Variants in TCF12 observed in about 807,000 individuals in gnomAD.
The protein encoded by TCF12 is DNA-binding protein HTF4.
Under a neutral mutation model 86.0 loss-of-function variants are expected in TCF12, and 45 were observed. The ratio of observed to expected loss-of-function variants is 0.52; its 90% CI spans 0.41 to 0.67. The LOEUF (loss-of-function observed/expected upper bound fraction) is 0.67. Among genes scored for constraint, TCF12 ranks in the 30% least tolerant of loss-of-function variants. TCF12 has a pLI of 0.00. For missense variants in TCF12, 881 were observed against 859.9 expected, an observed-to-expected ratio of 1.02 and a Z score of -0.31; for synonymous variants, 330 against 299.6, an observed-to-expected ratio of 1.10 and a Z score of -1.05.
chr15:57,176,934 G>T (rs1161069743), intron 6 of TCF12, among the ~76,000 whole-genome samples: 1 of 152,176 alleles, frequency 6.6e-6, no homozygotes, highest in Non-Finnish European at 1.5e-5. Flanking sequence ...CCTTTGGGGA[G>T]TAGATTGGTG....
chr15:57,152,192 A>G (rs1479327810), intron 5 of TCF12, among the ~76,000 whole-genome samples: 2 of 152,248 alleles, frequency 1.3e-5, no homozygotes, highest in African/African-American at 4.8e-5. Flanking sequence ...GGAAAGAGGC[A>G]TACCCACTTC....
rs373731689 is a variant in TCF12 at position 57,119,006 on chromosome 15, G to T, written c.325+27115G>T. ...ATCAACCACTCTCTCAGAATAACTTGTTTGTTTTATCATGTACTGTGATAG... is the reference window on the plus strand; with the variant it reads ...ATCAACCACTCTCTCAGAATAACTTTTTTGTTTTATCATGTACTGTGATAG... On this transcript the variant is annotated intron_variant, in intron 5 of 20. Transcript: ENST00000333725. Among the ~76,000 whole-genome samples the T allele has an allele frequency of 7.1e-4, 108 of 152,144 alleles. 1 individual carries two copies. The South Asian group carries it at 8.7e-3, about 12-fold the overall frequency.
intron 16 of TCF12, among the ~76,000 whole-genome samples, chr15:57,259,355 T>A (rs1483757419): frequency 1.3e-5 from 2 of 152,232 alleles, no homozygotes; most frequent in Non-Finnish European, 2.9e-5. Context: ...TTAATTTAAA[T>A]CATTAGTATT....
At chr15:57,284,008 A>G (rs551877658) in intron 20 of TCF12, among the ~76,000 whole-genome samples, 1 of 152,312 alleles carries the variant, frequency 6.6e-6, no homozygotes, top group East Asian at 1.9e-4. Context: ...CTCCCCCACA[A>G]AAAGTATCCA....
chr15:57,044,051 G>T (rs1207150669), intron 3 of TCF12, among the ~76,000 whole-genome samples: 1 of 151,994 alleles, frequency 6.6e-6, no homozygotes, highest in Non-Finnish European at 1.5e-5. Flanking sequence ...TTTACATTCA[G>T]ATTGGACACT....
intron 8 of TCF12, among the ~76,000 whole-genome samples, chr15:57,204,737 T>C (rs541205108): frequency 5.4e-4 from 81 of 149,900 alleles, no homozygotes; most frequent in Non-Finnish European, 4.7e-4. Context: ...AAATACTAAA[T>C]CCTGAGGGTG....
At chr15:56,987,974 G>GTC (rs2063274858) in intron 3 of TCF12, among the ~76,000 whole-genome samples, 1 of 152,082 alleles carries the variant, frequency 6.6e-6, no homozygotes, top group African/African-American at 2.4e-5. Flanking sequence ...AGTTAAACTG[G>GTC]TCATGTGATA....
At chr15:56,948,246 T>G (rs947402642) in intron 3 of TCF12, among the ~76,000 whole-genome samples, 1 of 152,076 alleles carries the variant, frequency 6.6e-6, no homozygotes, top group East Asian at 1.9e-4. Flanking sequence ...CTCAGCCTCC[T>G]GAGTAGCTAG....
rs2059613956 is a variant in TCF12, at chr15:56,918,789, A to C, written c.-140A>C. Reference sequence around the variant, plus strand: ...GCCGCCTCCCCCTCCCAGACCCGAGAGCTCGTGCGGGGCAAAGTGAACCGA... The same window carrying C: ...GCCGCCTCCCCCTCCCAGACCCGAGCGCTCGTGCGGGGCAAAGTGAACCGA... On this transcript the variant is annotated 5_prime_UTR_variant, in exon 1 of 21. Transcript: ENST00000333725. 1 of 160,492 alleles carries C rather than the reference A, an allele frequency of 6.2e-6. No homozygotes were observed. Among genetic ancestry groups the C allele is most frequent in the African/African-American group, 2.4e-5 (1 of 41,482 alleles). 9.9% of individuals were successfully genotyped at this position (160,492 alleles called of 1,614,324 possible).
At chr15:57,060,305 C>T (rs1223995854) in intron 3 of TCF12, among the ~76,000 whole-genome samples, 1 of 152,114 alleles carries the variant, frequency 6.6e-6, no homozygotes, top group African/African-American at 2.4e-5. Context: ...CTGGAAAATA[C>T]TAAGTTAAAA....
chr15:56,958,674 AGAGAGT>A (rs1462330879), intron 3 of TCF12, among the ~76,000 whole-genome samples: 650 of 64,544 alleles, frequency 0.01, 5 homozygotes, highest in African/African-American at 0.028. Flanking sequence ...AGAGAGAGAG[AGAGAGT>A]GTGTGTGTGT....
At chr15:57,233,083 T>C (rs1226735268) in intron 11 of TCF12, among the ~76,000 whole-genome samples, 2 of 149,160 alleles carry the variant, frequency 1.3e-5, no homozygotes, top group Non-Finnish European at 3.0e-5. Flanking sequence ...GTGTTTTTTA[T>C]ATATGTATAT....
At chr15:57,220,989 T>C (rs1690004616) in intron 8 of TCF12, among the ~76,000 whole-genome samples, 1 of 152,160 alleles carries the variant, frequency 6.6e-6, no homozygotes, top group Non-Finnish European at 1.5e-5. Context: ...TTAGATATGG[T>C]TGTCTCTTCC....
At chr15:57,264,194 G>GTTTTTT (rs1567013145) in intron 18 of TCF12, among the ~76,000 whole-genome samples, 1 of 15,454 alleles carries the variant, frequency 6.5e-5, no homozygotes, top group Admixed American at 8.8e-4. Flanking sequence ...TCTTTTGTAA[G>GTTTTTT]CTTTTTTTTT....
At chr15:57,170,713 A>AT (rs1567558936) in intron 6 of TCF12, among the ~76,000 whole-genome samples, 1 of 26,394 alleles carries the variant, frequency 3.8e-5, no homozygotes, top group Non-Finnish European at 8.2e-5. Flanking sequence ...ATAATATATA[A>AT]TATATATATT....
chr15:57,137,260 G>A (rs1007868383), intron 5 of TCF12, among the ~76,000 whole-genome samples: 1 of 152,144 alleles, frequency 6.6e-6, no homozygotes, highest in Non-Finnish European at 1.5e-5. Context: ...GGGATTACAG[G>A]CGTGAGCCAC....
intron 3 of TCF12, among the ~76,000 whole-genome samples, chr15:57,008,133 T>C (rs2064582472): frequency 1.4e-5 from 2 of 144,022 alleles, no homozygotes; most frequent in Non-Finnish European, 3.1e-5. Context: ...GCTGATTTCT[T>C]TTTTTTTTTT....
rs1474435403 is a variant in TCF12, at chr15:57,289,607, GTGTGTGTGTGTGTGTGTC to G, written c.*3475_*3492del. On this transcript the variant is annotated 3_prime_UTR_variant, in exon 21 of 21. Transcript: ENST00000333725. ...CTCAAAATTTAAACACACGTCGTGT[GTGTGTGTGTGTGTGTGTC>G]TGTGTGTGTGTGACTTAAAGAATCT... The G allele has an allele frequency of 6.6e-6, 1 of 151,378 alleles. No homozygotes were observed. Among genetic ancestry groups the G allele is most frequent in the African/African-American group, 2.4e-5 (1 of 41,162 alleles). 9.4% of individuals were successfully genotyped at this position (151,378 alleles called of 1,614,324 possible).
At chr15:56,962,489 G>C (rs545533410) in intron 3 of TCF12, among the ~76,000 whole-genome samples, 2 of 152,226 alleles carry the variant, frequency 1.3e-5, no homozygotes, top group East Asian at 3.9e-4. Context: ...AGCTTTATTG[G>C]CAGTGGGGAC....
Sources: allele counts gnomAD v4.1 joint callset (sites outside exome capture counted in the v4.1 genomes callset), GRCh38; gene constraint gnomAD v4.1.1; transcripts MANE v1.5; gene names NCBI Gene and HGNC (gene_info 2026-07-23, HGNC 2026-07-21).